GNAI1: variants seen among roughly 807,000 people sequenced by gnomAD.
GNAI1 encodes the protein G protein subunit alpha i1.
Under a neutral mutation model 38.9 loss-of-function variants are expected in GNAI1, and 11 were observed. That is an observed-to-expected ratio of 0.28 (90% CI 0.18 to 0.47). GNAI1 has a LOEUF of 0.47. Among genes scored for constraint, GNAI1 ranks in the 20% least tolerant of loss-of-function variants. The pLI is 0.99. For missense variants in GNAI1, 317 were observed against 436.9 expected (o/e 0.73, Z 2.45); for synonymous variants, 166 against 145.1 (o/e 1.14, Z -1.04).
In GNAI1 at chr7:80,220,344, ATTGGCACTTTTAAAT is replaced by A. The variant is rs780189182; in HGVS notation, c.*2870_*2884del. ...ACTTTTAAAATGGTGTGTAAAATGTATTGGCACTTTTAAATTTGGCACTTTTAAATTTGTTTGTGA... is the reference window on the plus strand; with the variant it reads ...ACTTTTAAAATGGTGTGTAAAATGTATTGGCACTTTTAAATTTGTTTGTGA... On this transcript the variant is annotated 3_prime_UTR_variant, in exon 8 of 8. Coordinates refer to ENST00000649796, the MANE Select transcript of GNAI1 (RefSeq NM_002069.6). Among the ~76,000 whole-genome samples the A allele has an allele frequency of 1.6e-4, 24 of 152,316 alleles. No homozygotes were observed. The highest frequency in any genetic ancestry group is 3.1e-4 in the African/African-American group (13 of 41,568).
intron 1 of GNAI1, among the ~76,000 whole-genome samples, chr7:80,137,305 TTC>T (rs1562819549): frequency 9.2e-6 from 1 of 109,176 alleles, no homozygotes; most frequent in Non-Finnish European, 1.8e-5. Flanking sequence ...TTTTTTTTTT[TTC>T]TTTTCTTTTC....
At chr7:80,161,419 G>C (rs960427351) in intron 1 of GNAI1, among the ~76,000 whole-genome samples, 1 of 152,170 alleles carries the variant, frequency 6.6e-6, no homozygotes, top group African/African-American at 2.4e-5. Flanking sequence ...ATTGAGTACA[G>C]CTCTGGTGAT....
intron 1 of GNAI1, among the ~76,000 whole-genome samples, chr7:80,166,080 G>A (rs967685435): frequency 6.6e-6 from 1 of 152,066 alleles, no homozygotes; most frequent in African/African-American, 2.4e-5. Context: ...TAGATTGCTG[G>A]AAAAATAAAT....
rs937401869 is a variant in GNAI1, at chr7:80,134,833, G to A, written c.-328G>A. The A allele has an allele frequency of 8.1e-4, 141 of 173,964 alleles. No homozygotes were observed. Among genetic ancestry groups the A allele is most frequent in the Middle Eastern group, 2.3e-3 (1 of 426 alleles). The allele number at this position is 173,964 out of a possible 1,614,324, so 10.8% of individuals were successfully genotyped here. On this transcript the variant is annotated 5_prime_UTR_variant, in exon 1 of 8. Transcript: ENST00000649796. ...GGCCGCGGCGGCGCGCGGAGGCCGA[G>A]CTCGGCTGGGCTTGGCGAGGCTGCG... is the stretch of plus-strand genomic sequence containing the variant.
At chr7:80,145,201 G>A (rs1333788168) in intron 1 of GNAI1, among the ~76,000 whole-genome samples, 1 of 152,092 alleles carries the variant, frequency 6.6e-6, no homozygotes, top group Non-Finnish European at 1.5e-5. Flanking sequence ...AAACTTTTCA[G>A]AATATTCAGA....
At chr7:80,180,742 C>G (rs140977099) in intron 1 of GNAI1, among the ~76,000 whole-genome samples, 67 of 152,168 alleles carry the variant, frequency 4.4e-4, no homozygotes, top group African/African-American at 1.6e-3. Flanking sequence ...GATATATTTC[C>G]TGCTTGGCCC....
intron 1 of GNAI1, among the ~76,000 whole-genome samples, chr7:80,147,997 G>C (rs1787657599): frequency 6.6e-6 from 1 of 152,000 alleles, no homozygotes; most frequent in Non-Finnish European, 1.5e-5. Flanking sequence ...TTCACCATTA[G>C]GTAAAACCAT....
intron 1 of GNAI1, among the ~76,000 whole-genome samples, chr7:80,137,403 C>A (rs796955073): frequency 4.3e-5 from 6 of 138,916 alleles, no homozygotes; most frequent in African/African-American, 1.6e-4. Flanking sequence ...TCACTGCAAC[C>A]TTCACCTCCT....
chr7:80,177,271 C>T (rs1584029325), intron 1 of GNAI1, among the ~76,000 whole-genome samples: 1 of 151,938 alleles, frequency 6.6e-6, no homozygotes, highest in Non-Finnish European at 1.5e-5. Flanking sequence ...ACCTTGTGAT[C>T]CACCCGCCTC....
chr7:80,163,368 T>TA (rs1787955661), intron 1 of GNAI1, among the ~76,000 whole-genome samples: 1 of 152,212 alleles, frequency 6.6e-6, no homozygotes, highest in Non-Finnish European at 1.5e-5. Context: ...AATGAGTTCT[T>TA]ACACCTTGCT....
intron 1 of GNAI1, among the ~76,000 whole-genome samples, chr7:80,144,751 T>C (rs1787588965): frequency 1.3e-5 from 2 of 152,206 alleles, no homozygotes; most frequent in African/African-American, 4.8e-5. Flanking sequence ...ATCAATATAA[T>C]GTAGTAGGAG....
At chr7:80,149,907 T>C (rs1311923719) in intron 1 of GNAI1, among the ~76,000 whole-genome samples, 1 of 152,138 alleles carries the variant, frequency 6.6e-6, no homozygotes, top group Non-Finnish European at 1.5e-5. Context: ...AAAAGGAAAC[T>C]ACAATAGACA....
rs953611646 is a variant in GNAI1 at position 80,220,498 on chromosome 7, C to G, written c.*3005C>G. On this transcript the variant is annotated 3_prime_UTR_variant, in exon 8 of 8. Transcript: ENST00000649796. ...TACTTCTCCGTCTCTAGGCTTAGAC[C>G]TGACCAATCCGAGTCCTCCAGCATT... Among the ~76,000 whole-genome samples, 1 of 152,206 alleles carries G rather than the reference C, an allele frequency of 6.6e-6. No homozygotes were observed. The highest frequency in any genetic ancestry group is 1.5e-5 in the Non-Finnish European group (1 of 68,038).
At position 80,224,643 on chromosome 7, in the gene GNAI1, G is replaced by A. The variant is rs1015256207; in HGVS notation, c.*7150G>A. Among the ~76,000 whole-genome samples, 1 of 152,176 alleles carries A rather than the reference G, an allele frequency of 6.6e-6. No homozygotes were observed. The highest frequency in any genetic ancestry group is 2.4e-5 in the African/African-American group (1 of 41,456). ...ATGTCAATGGCTGTGAAAAGCCAGT[G>A]CAGTAAAGAAGTAAAGAGCTCTCTG... On this transcript the variant is annotated 3_prime_UTR_variant, in exon 8 of 8. Coordinates refer to ENST00000649796, the MANE Select transcript of GNAI1 (RefSeq NM_002069.6).
chr7:80,178,255 A>G (rs561277039), intron 1 of GNAI1, among the ~76,000 whole-genome samples: 1 of 152,352 alleles, frequency 6.6e-6, no homozygotes, highest in Non-Finnish European at 1.5e-5. Flanking sequence ...TTTCCTGGTG[A>G]AGATGCTGTG....
rs368253290 is a variant in GNAI1, at chr7:80,168,380, T to TTTTA, written c.119-20551_119-20548dup. Among the ~76,000 whole-genome samples the TTTTA allele has an allele frequency of 1.2e-3, 181 of 152,148 alleles. 3 individuals carry two copies. In the South Asian group the frequency reaches 0.032, roughly 27 times the overall value. ...TACATAATATTCACCATTTTAATTA[T>TTTTA]TTTATTTATTTATTTATTTATTTTT... On this transcript the variant is annotated intron_variant, in intron 1 of 7. Transcript: ENST00000649796.
Position 80,186,720 on chromosome 7 carries a change from C to T in GNAI1, c.119-2231C>T, listed in dbSNP as rs143896774. The stretch of plus-strand genomic sequence containing the variant: ...TCTGTGGTATCACCATCCCTGTGTA[C>T]GAATCCTGGGATCTAGAGTGTCCCA... On this transcript the variant is annotated intron_variant, in intron 1 of 7. Transcript: ENST00000649796. Among the ~76,000 whole-genome samples the T allele has an allele frequency of 2.4e-3, 360 of 152,218 alleles. 3 individuals are homozygous for T. The highest frequency in any genetic ancestry group is 8.2e-3 in the African/African-American group (342 of 41,526).
chr7:80,196,690 A>G (rs933986159), intron 3 of GNAI1, among the ~76,000 whole-genome samples: 3 of 151,924 alleles, frequency 2.0e-5, no homozygotes, highest in Admixed American at 2.0e-4. Context: ...TAATTTCAGC[A>G]GTGTTTTCCT....
chr7:80,180,074 A>G (rs1192546100), intron 1 of GNAI1, among the ~76,000 whole-genome samples: 1 of 152,180 alleles, frequency 6.6e-6, no homozygotes, highest in Non-Finnish European at 1.5e-5. Context: ...GGCATAGGAA[A>G]TGTTGAAAAA....
Sources: gnomAD v4.1 joint callset for allele counts (sites outside exome capture counted in the v4.1 genomes callset) on GRCh38, gnomAD v4.1.1 for gene constraint, MANE v1.5 for transcripts, NCBI Gene and HGNC (gene_info 2026-07-23, HGNC 2026-07-21) for gene names.